The following RFX2 variants were observed in gnomAD, a reference collection of about 807,000 sequenced individuals.
The protein encoded by RFX2 is DNA-binding protein RFX2.
A neutral mutation model predicts 87.8 loss-of-function variants in RFX2; 20 were observed. The ratio of observed to expected loss-of-function variants is 0.23; its 90% CI spans 0.16 to 0.33. The LOEUF is 0.33. Ranked by LOEUF, RFX2 falls within the 10% of genes least tolerant of loss-of-function variation. The pLI is 1.00. For synonymous variants in RFX2, 397 were observed against 431.3 expected, an observed-to-expected ratio of 0.92 and a Z score of 0.98; for missense variants, 767 against 1,012.3, an observed-to-expected ratio of 0.76 and a Z score of 3.29.
rs2144814524 is a variant in RFX2 at position 6,063,655 on chromosome 19, GC to G, written c.-8-16152del. On this transcript the variant is annotated intron_variant, in intron 1 of 17. Transcript: ENST00000303657. This position sits in a 1 kb window ranked among gnomAD's most constrained non-coding sequence, Gnocchi z 4.0. ...AAAGGGGATCCCAGGCAAGTGATGA[GC>G]AGTGGGGAAACCCTCTCTCCAGTCA... 6.6e-6 allele frequency among the ~76,000 whole-genome samples: 1 copy of G among 152,342 alleles called. No homozygotes were observed. The highest frequency in any genetic ancestry group is 2.4e-5 in the African/African-American group (1 of 41,576).
At chr19:6,055,526 C>A (rs552469969) in intron 1 of RFX2, among the ~76,000 whole-genome samples, 27 of 152,286 alleles carry the variant, frequency 1.8e-4, no homozygotes, top group Non-Finnish European at 3.8e-4. Flanking sequence ...CAGGCTCAAG[C>A]GATTCTCCCA....
intron 7 of RFX2, 106 bp downstream of exon 7, chr19:6,015,984 G>C (rs2086721037): frequency 5.3e-6 from 6 of 1,139,806 alleles, no homozygotes; most frequent in African/African-American, 1.6e-5. Flanking sequence ...AGGTGGCTGC[G>C]AATCAGGCCA....
chr19:6,062,088 G>A (rs571240222), intron 1 of RFX2, among the ~76,000 whole-genome samples: 50 of 152,232 alleles, frequency 3.3e-4, no homozygotes, highest in South Asian at 2.3e-3. Flanking sequence ...TTGAGGTCAG[G>A]AATTTGAGGT....
intron 5 of RFX2, among the ~76,000 whole-genome samples, chr19:6,037,556 CATGGATTGGAAGCCTTAACATAGT>C (rs2087041911): frequency 6.6e-6 from 1 of 152,168 alleles, no homozygotes; most frequent in Admixed American, 6.5e-5. Context: ...GTACCATGTT[CATGGATTGGAAGCCTTAACATAGT>C]AAAGATGGGA....
Position 6,004,190 on chromosome 19 carries a change from C to A in RFX2, c.1500+11G>T, listed in dbSNP as rs2086542417. On this transcript the variant is annotated intron_variant, in intron 13 of 17. Transcript: ENST00000303657. This position sits in a 1 kb window ranked among gnomAD's most constrained non-coding sequence, Gnocchi z 4.8. ...CATCGTTGGGGAGCCCAGGCCCCAC[C>A]CCGGACGCACCTTGGTCTGGATGAC... 1.9e-6 allele frequency: 3 copies of A among 1,610,212 alleles called. No homozygotes were observed. Among genetic ancestry groups the A allele is most frequent in the East Asian group, 2.2e-5 (1 of 44,870 alleles).
In RFX2 at chr19:6,012,150, T is replaced by C. The variant is rs79681928; in HGVS notation, c.899+836A>G. 3.9e-4 allele frequency: 59 copies of C among 152,350 alleles called. 2 individuals carry two copies. In the East Asian group the frequency reaches 0.011, roughly 28 times the overall value. 9.4% of individuals were successfully genotyped at this position (152,350 alleles called of 1,614,324 possible). On this transcript the variant is annotated intron_variant, in intron 8 of 17. Transcript: ENST00000303657. The surrounding 1 kb of genome is among the most constrained non-coding windows in gnomAD (Gnocchi z 4.6). ...GTTTGCTGGCTCCTGCCTTAGAAGATGAGAAAGTTTGTGATGGATGGAGAA... is the reference window on the plus strand; with the variant it reads ...GTTTGCTGGCTCCTGCCTTAGAAGACGAGAAAGTTTGTGATGGATGGAGAA...
At chr19:6,069,888 G>A (rs578071073) in intron 1 of RFX2, among the ~76,000 whole-genome samples, 16 of 152,284 alleles carry the variant, frequency 1.1e-4, no homozygotes, top group South Asian at 6.2e-4. Flanking sequence ...AACTGAGAGC[G>A]GGTTTCTGAA....
intron 1 of RFX2, chr19:6,073,130 C>G (rs2087633031): frequency 9.0e-6 from 4 of 444,840 alleles, no homozygotes; most frequent in South Asian, 6.3e-5. Context: ...CAGGCTCCCA[C>G]CACCATGCCT....
At chr19:6,062,410 TGAA>T (rs2087448852) in intron 1 of RFX2, among the ~76,000 whole-genome samples, 1 of 152,008 alleles carries the variant, frequency 6.6e-6, no homozygotes. Context: ...AGCCATGAGC[TGAA>T]GGTCACAAAG....
chr19:6,072,906 T>A lies in RFX2; in HGVS notation c.-8-25402A>T, dbSNP rs1212318760. The A allele has an allele frequency of 5.8e-6, 6 of 1,029,254 alleles. No individual in the cohort carries two copies. The East Asian group carries it at 1.5e-4, about 26-fold the overall frequency. The allele number at this position is 1,029,254 out of a possible 1,614,324, so 63.8% of individuals were successfully genotyped here. ...TCATCTGGCACCAGTCAGACCAACA[T>A]GTCAAAATTAAGTGTAACTGGAGGA... On this transcript the variant is annotated intron_variant, in intron 1 of 17. Transcript: ENST00000303657.
At chr19:6,099,337 C>T (rs1420281186) in intron 1 of RFX2, among the ~76,000 whole-genome samples, 1 of 152,146 alleles carries the variant, frequency 6.6e-6, no homozygotes, top group Non-Finnish European at 1.5e-5. Context: ...AAAAGAACTT[C>T]ATTTGCAATT....
chr19:6,040,254 G>A lies in RFX2; in HGVS notation c.261-13C>T. On this transcript the variant is annotated splice_polypyrimidine_tract_variant and intron_variant, in intron 4 of 17. Coordinates refer to ENST00000303657, the MANE Select transcript of RFX2 (RefSeq NM_000635.4). This position sits in a 1 kb window ranked among gnomAD's most constrained non-coding sequence, Gnocchi z 6.1. ...GTAGGCTGTTCGTCTGTTAGAAAGA[G>A]AGAAGTCACGCATGGGACGCTGTCC... 2 of 1,526,150 alleles carry A rather than the reference G, an allele frequency of 1.3e-6. No homozygotes were observed. The highest frequency in any genetic ancestry group is 1.8e-6 in the Non-Finnish European group (2 of 1,131,320). The allele number at this position is 1,526,150 out of a possible 1,614,324, so 94.5% of individuals were successfully genotyped here. A position where few individuals can be genotyped will look rare whatever the true frequency, so the allele number is the denominator to read the frequency against.
rs2087162239 is a variant in RFX2, at chr19:6,044,585, C to T, written c.91-303G>A. Among the ~76,000 whole-genome samples, 1 of 152,230 alleles carries T rather than the reference C, an allele frequency of 6.6e-6. No individual in the cohort carries two copies. Among genetic ancestry groups the T allele is most frequent in the African/African-American group, 2.4e-5 (1 of 41,474 alleles). ...GCACACACACACGTATGCACACACA[C>T]ATACACGGAAGCACATGCACCTTCA... is the stretch of plus-strand genomic sequence containing the variant. On this transcript the variant is annotated intron_variant, in intron 2 of 17. Transcript: ENST00000303657. This position sits in a 1 kb window ranked among gnomAD's most constrained non-coding sequence, Gnocchi z 5.3.
intron 5 of RFX2, among the ~76,000 whole-genome samples, chr19:6,036,530 C>T (rs1022191483): frequency 2.0e-5 from 3 of 152,166 alleles, no homozygotes; most frequent in African/African-American, 7.2e-5. Context: ...GGCTAAACCA[C>T]CACCTTCTAT....
intron 1 of RFX2, among the ~76,000 whole-genome samples, chr19:6,073,940 C>T (rs1403874394): frequency 1.3e-5 from 2 of 152,168 alleles, no homozygotes; most frequent in African/African-American, 4.8e-5. Context: ...CCCTCCTCTC[C>T]AGCAAGTGGA....
chr19:6,106,995 A>G (rs1229232678), intron 1 of RFX2, among the ~76,000 whole-genome samples: 1 of 151,988 alleles, frequency 6.6e-6, no homozygotes, highest in Non-Finnish European at 1.5e-5. Flanking sequence ...ACTAGCTACT[A>G]TAAAAATCCA....
In RFX2 at chr19:6,003,778, C is replaced by CAA. The variant is rs57470328; in HGVS notation, c.1500+421_1500+422dup. Among the ~76,000 whole-genome samples the CAA allele has an allele frequency of 8.0e-3, 337 of 41,990 alleles. 38 individuals are homozygous for CAA. Among genetic ancestry groups the CAA allele is most frequent in the Non-Finnish European group, 0.014 (279 of 19,544 alleles). The allele number at this position is 41,990 out of a possible 152,430, so 27.5% of individuals were successfully genotyped here. A position where few individuals can be genotyped will look rare whatever the true frequency, so the allele number is the denominator to read the frequency against. ...TGGGCGACAGAGTGAGACTCTGTCT[C>CAA]AAAAAAAAAAAAAAAAAAAAAAAAA... On this transcript the variant is annotated intron_variant, in intron 13 of 17. Transcript: ENST00000303657.
chr19:6,026,141 GC>G lies in RFX2; in HGVS notation c.597+21del. ...GTTACAAGCAGAGCAGGGACAGGTT[GC>G]CAGGTCAGACGCACACTTACATGGC... On this transcript the variant is annotated intron_variant, in intron 6 of 17. Transcript: ENST00000303657. The surrounding 1 kb of genome is among the most constrained non-coding windows in gnomAD (Gnocchi z 4.5). 2 of 1,600,934 alleles carry G rather than the reference GC, an allele frequency of 1.2e-6. No homozygotes were observed. Among genetic ancestry groups the G allele is most frequent in the African/African-American group, 1.3e-5 (1 of 74,586 alleles).
Position 6,013,191 on chromosome 19 carries a change from CTT to C in RFX2, c.780-88_780-87del, listed in dbSNP as rs889626638. 1,145 of 1,065,666 alleles carry C rather than the reference CTT, an allele frequency of 1.1e-3. No individual in the cohort carries two copies. Among genetic ancestry groups the C allele is most frequent in the South Asian group, 2.5e-3 (118 of 47,908 alleles). 66.0% of individuals were successfully genotyped at this position (1,065,666 alleles called of 1,614,324 possible). The stretch of plus-strand genomic sequence containing the variant: ...TTGGGATTCTTTTTCTTTCTTTCTT[CTT>C]TTTTTTTTTTGAGACAGAATCTCAT... On this transcript the variant is annotated intron_variant, in intron 7 of 17. Transcript: ENST00000303657. The surrounding 1 kb of genome is among the most constrained non-coding windows in gnomAD (Gnocchi z 4.1).
Sources: allele counts gnomAD v4.1 joint callset (sites outside exome capture counted in the v4.1 genomes callset), GRCh38; gene constraint gnomAD v4.1.1; non-coding constraint Gnocchi (gnomAD v3.1); transcripts MANE v1.5; gene names NCBI Gene and HGNC (gene_info 2026-07-23, HGNC 2026-07-21).